The following GPC5 variants were observed in gnomAD, a reference collection of about 807,000 sequenced individuals.
GPC5 encodes the protein glypican 5.
Under a neutral mutation model 53.9 loss-of-function variants are expected in GPC5, and 47 were observed. The ratio of observed to expected loss-of-function variants is 0.87; its 90% confidence interval spans 0.69 to 1.11. The LOEUF (loss-of-function observed/expected upper bound fraction) is 1.11, where lower values mean the gene tolerates loss of function less well. GPC5 is among the 50% of genes most tolerant of loss of function. The pLI is 0.00. For synonymous variants in GPC5, 286 were observed against 263.3 expected, an observed-to-expected ratio of 1.09 and a Z score of -0.84; for missense variants, 748 against 713.1, an observed-to-expected ratio of 1.05 and a Z score of -0.56.
At chr13:91,462,146 T>C (rs1881972749) in intron 2 of GPC5, among the ~76,000 whole-genome samples, 1 of 152,096 alleles carries the variant, frequency 6.6e-6, no homozygotes. Context: ...ACAGAGTCCA[T>C]GAGAAATTAT....
chr13:91,536,092 C>T (rs533358876), intron 2 of GPC5, among the ~76,000 whole-genome samples: 10 of 152,212 alleles, frequency 6.6e-5, no homozygotes, highest in South Asian at 6.2e-4. Flanking sequence ...TAAATATCTT[C>T]ACCTTTTTAT....
chr13:91,456,996 A>G (rs753153298), intron 2 of GPC5, among the ~76,000 whole-genome samples: 2 of 152,068 alleles, frequency 1.3e-5, no homozygotes, highest in Non-Finnish European at 2.9e-5. Context: ...ATTTGAATAC[A>G]TTTAAGTCTA....
intron 7 of GPC5, among the ~76,000 whole-genome samples, chr13:92,562,639 A>G (rs1400781207): frequency 6.6e-6 from 1 of 151,954 alleles, no homozygotes; most frequent in Non-Finnish European, 1.5e-5. Flanking sequence ...TATTTCTTCA[A>G]TATGCTGCGA....
intron 7 of GPC5, among the ~76,000 whole-genome samples, chr13:92,388,938 G>A (rs1216842969): frequency 6.6e-6 from 1 of 152,020 alleles, no homozygotes; most frequent in Non-Finnish European, 1.5e-5. Flanking sequence ...TTTTTGTCTT[G>A]ATCAACCAGA....
intron 4 of GPC5, among the ~76,000 whole-genome samples, chr13:91,753,694 T>C (rs2037228062): frequency 6.6e-6 from 1 of 152,154 alleles, no homozygotes; most frequent in Non-Finnish European, 1.5e-5. Flanking sequence ...CTTCTTACCA[T>C]TTTACCATAA....
At chr13:92,796,228 T>C (rs1361482189) in intron 7 of GPC5, among the ~76,000 whole-genome samples, 1 of 152,106 alleles carries the variant, frequency 6.6e-6, no homozygotes, top group Non-Finnish European at 1.5e-5. Context: ...TGGATGAAGC[T>C]GGAAACCACG....
intron 1 of GPC5, among the ~76,000 whole-genome samples, chr13:91,431,098 CA>C (rs909464985): frequency 1.3e-5 from 2 of 152,076 alleles, no homozygotes; most frequent in African/African-American, 4.8e-5. Flanking sequence ...AGGTTGGTCT[CA>C]AACTCCTGGG....
At chr13:92,683,850 G>A (rs774932766) in intron 7 of GPC5, among the ~76,000 whole-genome samples, 9 of 152,006 alleles carry the variant, frequency 5.9e-5, no homozygotes, top group East Asian at 1.9e-4. Flanking sequence ...TTAACATCTC[G>A]TGGTATTTTT....
At chr13:92,574,925 A>G (rs1263425367) in intron 7 of GPC5, among the ~76,000 whole-genome samples, 6 of 152,298 alleles carry the variant, frequency 3.9e-5, no homozygotes, top group African/African-American at 1.4e-4. Context: ...AAGGAAGAGA[A>G]AGGGACGCTG....
chr13:91,647,812 CT>C, intron 2 of GPC5, among the ~76,000 whole-genome samples: 1 of 152,312 alleles, frequency 6.6e-6, no homozygotes, highest in Non-Finnish European at 1.5e-5. Context: ...GGCACATCCC[CT>C]AATAACATTC....
At chr13:92,460,532 T>A (rs1302200161) in intron 7 of GPC5, among the ~76,000 whole-genome samples, 1 of 152,182 alleles carries the variant, frequency 6.6e-6, no homozygotes, top group Non-Finnish European at 1.5e-5. Flanking sequence ...TGATTATATG[T>A]CCTAGTGGAT....
intron 7 of GPC5, among the ~76,000 whole-genome samples, chr13:92,848,449 ATATTTTAAAAACCACTTAC>A (rs1416137558): frequency 2.0e-5 from 3 of 152,324 alleles, no homozygotes; most frequent in African/African-American, 7.2e-5. Context: ...ACTAAGTTAT[ATATTTTAAAAACCACTTAC>A]TAAATGTAGG....
intron 7 of GPC5, among the ~76,000 whole-genome samples, chr13:92,519,732 A>G (rs1483904469): frequency 6.6e-6 from 1 of 152,196 alleles, no homozygotes; most frequent in Non-Finnish European, 1.5e-5. Context: ...GAGAAGCAAG[A>G]GCAAACACAT....
chr13:91,819,911 CTG>C (rs1194672955), intron 5 of GPC5, among the ~76,000 whole-genome samples: 1 of 152,142 alleles, frequency 6.6e-6, no homozygotes, highest in Non-Finnish European at 1.5e-5. Context: ...TATTGTCAGA[CTG>C]TAAATTTTTT....
At chr13:91,640,785 C>T (rs1252055240) in intron 2 of GPC5, among the ~76,000 whole-genome samples, 2 of 147,758 alleles carry the variant, frequency 1.4e-5, no homozygotes, top group East Asian at 2.0e-4. Flanking sequence ...GGTGACAGAG[C>T]GAGACTCCTC....
chr13:91,522,661 C>T (rs1885881778), intron 2 of GPC5, among the ~76,000 whole-genome samples: 1 of 151,858 alleles, frequency 6.6e-6, no homozygotes. Context: ...CTATCCCTCA[C>T]CCTACCCCCA....
chr13:92,367,560 A>G (rs932035958), intron 7 of GPC5, among the ~76,000 whole-genome samples: 2 of 152,210 alleles, frequency 1.3e-5, no homozygotes, highest in Non-Finnish European at 2.9e-5. Context: ...TTTGTACCCA[A>G]TATATGACAA....
intron 2 of GPC5, among the ~76,000 whole-genome samples, chr13:91,597,686 C>T (rs527467194): frequency 2.2e-4 from 34 of 152,112 alleles, no homozygotes; most frequent in African/African-American, 8.0e-4. Flanking sequence ...TTTCTATCCC[C>T]CTTCATGGCA....
intron 7 of GPC5, among the ~76,000 whole-genome samples, chr13:92,535,443 C>T (rs1160287146): frequency 6.6e-6 from 1 of 151,914 alleles, no homozygotes; most frequent in Non-Finnish European, 1.5e-5. Context: ...CCCTGACTGA[C>T]TAAAACTAGT....
Sources: allele counts gnomAD v4.1 joint callset (sites outside exome capture counted in the v4.1 genomes callset), GRCh38; gene constraint gnomAD v4.1.1; transcripts MANE v1.5; gene names NCBI Gene and HGNC (gene_info 2026-07-23, HGNC 2026-07-21).